The following KNTC1 variants were observed in gnomAD, a reference collection of about 807,000 sequenced individuals.
The protein encoded by KNTC1 is kinetochore-associated protein 1.
A neutral mutation model predicts 314.4 loss-of-function variants in KNTC1; 253 were observed. The observed-to-expected ratio is 0.80, with a 90% confidence interval of 0.73 to 0.89. The LOEUF (loss-of-function observed/expected upper bound fraction) is 0.89, where lower values mean the gene tolerates loss of function less well. Among genes scored for constraint, KNTC1 ranks in the 40% least tolerant of loss-of-function variants. The pLI is 0.00. For missense variants in KNTC1, 2,475 were observed against 2,572.9 expected (o/e 0.96, Z 0.82); for synonymous variants, 901 against 901.4 (o/e 1.00, Z 0.01).
chr12:122,547,455 T>A lies in KNTC1; in HGVS notation c.857T>A (p.Val286Glu). ...SLWDIYTLTP[V>E]WNWPSLHVEE... ...TGGGATATTTACACTCTAACTCCTG[T>A]ATGGAACTGGCCCTCTCTTCACGTA... is the stretch of plus-strand genomic sequence containing the variant. The change falls in exon 11 of 64, where the codon GTA becomes GAA. Residue 286 changes from valine (V) to glutamate (E), a missense_variant. Physicochemically the swap from Val to Glu is moderately radical, Grantham distance 121 (BLOSUM62 -2). Transcript: ENST00000333479. 1 of 1,613,092 alleles carries A rather than the reference T, an allele frequency of 6.2e-7. No individual in the cohort carries two copies. The highest frequency in any genetic ancestry group is 1.3e-5 in the African/African-American group (1 of 75,048).
At chr12:122,599,881 A>G (rs1279063419) in intron 44 of KNTC1, among the ~76,000 whole-genome samples, 2 of 152,106 alleles carry the variant, frequency 1.3e-5, no homozygotes, top group African/African-American at 2.4e-5. Context: ...AGTTAGGCCT[A>G]GTAGTACGTG....
In KNTC1 at chr12:122,597,755, A is replaced by C; in HGVS notation, c.4380A>C (p.Ala1460=). 11 of 1,613,912 alleles carry C rather than the reference A, an allele frequency of 6.8e-6. No homozygotes were observed. Among genetic ancestry groups the C allele is most frequent in the Non-Finnish European group, 9.3e-6 (11 of 1,179,804 alleles). ...GCACATTTCAGTTGGACTGCGATGC[A>C]GTTCTTCAGCTCTTCATTGAAACGC... The part of the protein sequence containing the change: ...YCSTFQLDCD[A]VLQLFIETLL... The change falls in exon 44 of 64, where the codon GCA becomes GCC. Residue 1460 remains alanine, a synonymous_variant. Coordinates refer to ENST00000333479, the MANE Select transcript of KNTC1 (RefSeq NM_014708.6).
chr12:122,561,467 T>G (rs1302611711), intron 18 of KNTC1, among the ~76,000 whole-genome samples: 2 of 152,118 alleles, frequency 1.3e-5, no homozygotes, highest in Non-Finnish European at 2.9e-5. Flanking sequence ...TGTAATTTTT[T>G]TTTTGAAACG....
At chr12:122,587,096 C>T (rs901739745) in intron 38 of KNTC1, among the ~76,000 whole-genome samples, 4 of 152,158 alleles carry the variant, frequency 2.6e-5, no homozygotes, top group Non-Finnish European at 4.4e-5. Context: ...GGATTACAGG[C>T]GTGAGCCACC....
rs746336479 is a variant in KNTC1 at position 122,591,436 on chromosome 12, C to G, written c.4228C>G (p.Arg1410Gly). 6.4e-7 allele frequency: 1 copy of G among 1,571,148 alleles called. No homozygotes were observed. The highest frequency in any genetic ancestry group is 8.7e-7 in the Non-Finnish European group (1 of 1,143,608). ...CAGTACTGATGCCCAGTGGGGCATT[C>G]GTCTTGGTAAACTTGGTGTGAGTAT... ...ELSTDAQWGI[R>G]LGKLGISFQP... Residue 1410 changes from arginine (R) to glycine (G), a missense_variant, in exon 42 of 64, where the codon CGT (arginine) becomes GGT (glycine). By Grantham distance (125) the Arg-to-Gly change is moderately radical (BLOSUM62 -2). Coordinates refer to ENST00000333479, the MANE Select transcript of KNTC1 (RefSeq NM_014708.6).
In KNTC1 at chr12:122,573,207, C is replaced by T. The variant is rs1453637157; in HGVS notation, c.2205C>T (p.Ser735=). 2 of 1,613,854 alleles carry T rather than the reference C, an allele frequency of 1.2e-6. No homozygotes were observed. The highest frequency in any genetic ancestry group is 1.3e-5 in the African/African-American group (1 of 75,038). Residue 735 remains serine (S), a synonymous_variant, in exon 26 of 64, where the codon TCC becomes TCT. Coordinates refer to ENST00000333479, the MANE Select transcript of KNTC1 (RefSeq NM_014708.6). ...TGCTGGCCCCAGAGCTTATTCCCTC[C>T]ATCTTAGAGAAGTTTATAAGAGTTT... is the stretch of plus-strand genomic sequence containing the variant. ...DKVLAPELIP[S]ILEKFIRVYM... is the part of the protein sequence containing the mutation.
At chr12:122,608,667 A>G (rs1018338140) in intron 51 of KNTC1, among the ~76,000 whole-genome samples, 1 of 152,190 alleles carries the variant, frequency 6.6e-6, no homozygotes, top group African/African-American at 2.4e-5. Flanking sequence ...GCATGTATAC[A>G]TAGCACCTAG....
intron 49 of KNTC1, 101 bp from the exon 50 acceptor site, chr12:122,604,776 C>G: frequency 7.7e-7 from 1 of 1,292,902 alleles, no homozygotes; most frequent in South Asian, 1.3e-5. Flanking sequence ...AGGAACATAA[C>G]TGAGGAAGGG....
At chr12:122,556,277 C>G (rs1048508333) in intron 16 of KNTC1, among the ~76,000 whole-genome samples, 3 of 151,806 alleles carry the variant, frequency 2.0e-5, no homozygotes, top group Non-Finnish European at 4.4e-5. Flanking sequence ...CTCGGCCTCC[C>G]AAAATGCAAG....
intron 52 of KNTC1, 111 bp downstream of exon 52, chr12:122,609,541 G>C (rs898411958): frequency 4.3e-6 from 3 of 692,688 alleles, no homozygotes; most frequent in African/African-American, 3.7e-5. Flanking sequence ...ATAAAACTCA[G>C]GTCAGAGTCT....
At chr12:122,577,161 G>A (rs973180981) in intron 30 of KNTC1, 132 bp downstream of exon 30, 25 of 618,984 alleles carry the variant, frequency 4.0e-5, no homozygotes, top group Admixed American at 2.4e-4. Flanking sequence ...TGTTGGTCAC[G>A]CTGGTCTCAA....
intron 38 of KNTC1, 57 bp downstream of exon 38, chr12:122,586,814 ATTTAT>A (rs1869396383): frequency 1.5e-5 from 9 of 586,358 alleles, no homozygotes; most frequent in South Asian, 5.1e-5. Context: ...TTATTTATTT[ATTTAT>A]TTTATTTTTT....
rs1430327128 is a variant in KNTC1, at chr12:122,580,675, A to G, written c.2982+5A>G. 4 of 1,539,432 alleles carry G rather than the reference A, an allele frequency of 2.6e-6. No homozygotes were observed. The highest frequency in any genetic ancestry group is 3.5e-6 in the Non-Finnish European group (4 of 1,131,708). On this transcript the variant is annotated splice_donor_5th_base_variant and intron_variant, in intron 33 of 63. Transcript: ENST00000333479. The stretch of plus-strand genomic sequence containing the variant: ...AAAGAGGTTGCTAGCTTACAGGTAA[A>G]CATATTGAGCCATGTTAAACATTAT...
chr12:122,617,223 A>G (rs1873859966), intron 57 of KNTC1, among the ~76,000 whole-genome samples: 1 of 152,146 alleles, frequency 6.6e-6, no homozygotes, highest in Non-Finnish European at 1.5e-5. Flanking sequence ...CTGAGTATAT[A>G]CCTAGAAGTG....
rs201218083 is a variant in KNTC1, at chr12:122,590,783, G to T, written c.4128+48G>T. On this transcript the variant is annotated intron_variant, in intron 41 of 63. Coordinates refer to ENST00000333479, the MANE Select transcript of KNTC1 (RefSeq NM_014708.6). The stretch of plus-strand genomic sequence containing the variant: ...TTCAATTCTTGAAGTATTCAAGATT[G>T]GGGGGGAGAAATGAAGTTGGTTTTG... The T allele has an allele frequency of 2.6e-5, 41 of 1,551,658 alleles. No individual in the cohort carries two copies. In the East Asian group the frequency reaches 3.5e-4, roughly 13 times the overall value.
At chr12:122,590,876 T>A in intron 41 of KNTC1, 141 bp downstream of exon 41, 1 of 769,618 alleles carries the variant, frequency 1.3e-6, no homozygotes, top group Non-Finnish European at 2.0e-6. Flanking sequence ...AGCTTCTGCT[T>A]GACTGGTGAC....
At chr12:122,601,336 C>T (rs560198390) in intron 44 of KNTC1, among the ~76,000 whole-genome samples, 200 bp from the exon 45 acceptor site, 4 of 151,632 alleles carry the variant, frequency 2.6e-5, no homozygotes, top group African/African-American at 7.3e-5. Context: ...CCACCCGCCT[C>T]GGCCTCCCAA....
intron 44 of KNTC1, among the ~76,000 whole-genome samples, chr12:122,599,913 G>A (rs1448361010): frequency 6.6e-6 from 1 of 152,122 alleles, no homozygotes; most frequent in Non-Finnish European, 1.5e-5. Context: ...AGCTATTTGG[G>A]AAGCTGAAGA....
Position 122,597,839 on chromosome 12 carries a change from G to A in KNTC1, c.4464G>A (p.Lys1488=). Residue 1488 remains lysine (K), a synonymous_variant, in exon 44 of 64, where the codon AAG becomes AAA. Coordinates refer to ENST00000333479, the MANE Select transcript of KNTC1 (RefSeq NM_014708.6). ...GQGDASMDSA[K]RRHPKLLAKA... ...GAGATGCAAGCATGGACTCTGCAAAGCGGCGGCATCCCAAACTCCTGGCCA... is the reference window on the plus strand; with the variant it reads ...GAGATGCAAGCATGGACTCTGCAAAACGGCGGCATCCCAAACTCCTGGCCA... 1 of 1,614,044 alleles carries A rather than the reference G, an allele frequency of 6.2e-7. No individual in the cohort carries two copies. The highest frequency in any genetic ancestry group is 1.1e-5 in the South Asian group (1 of 91,084).
Sources: allele counts gnomAD v4.1 joint callset (sites outside exome capture counted in the v4.1 genomes callset), GRCh38; gene constraint gnomAD v4.1.1; transcripts MANE v1.5; gene names NCBI Gene and HGNC (gene_info 2026-07-23, HGNC 2026-07-21).